AQR: variants seen among roughly 807,000 people sequenced by gnomAD.
AQR encodes the protein RNA helicase aquarius.
A neutral mutation model predicts 180.5 loss-of-function variants in AQR; 61 were observed. The observed-to-expected ratio is 0.34, with a 90% CI of 0.28 to 0.42. The LOEUF is 0.42. Among genes scored for constraint, AQR ranks in the 10% least tolerant of loss-of-function variants. The pLI, the probability that AQR is intolerant of heterozygous loss-of-function variation, is 1.00. For synonymous variants in AQR, 551 were observed against 588.8 expected, an observed-to-expected ratio of 0.94 and a Z score of 0.93; for missense variants, 1,281 against 1,798.3, an observed-to-expected ratio of 0.71 and a Z score of 5.20.
chr15:34,934,468 T>C (rs866390439), intron 10 of AQR, 103 bp downstream of exon 10: 7 of 585,060 alleles, frequency 1.2e-5, no homozygotes, highest in Non-Finnish European at 1.9e-5. Context: ...TACATATGTA[T>C]TGAAAAGAAA....
intron 16 of AQR, among the ~76,000 whole-genome samples, chr15:34,913,581 ATTT>A (rs869124131): frequency 6.6e-6 from 1 of 152,064 alleles, no homozygotes; most frequent in South Asian, 2.1e-4. Flanking sequence ...ATTAAAAAAA[ATTT>A]TTTTTATTAA....
At chr15:34,862,063 C>G (rs745329568) in intron 33 of AQR, among the ~76,000 whole-genome samples, 1 of 151,628 alleles carries the variant, frequency 6.6e-6, no homozygotes, top group East Asian at 1.9e-4. Context: ...TAAGGATAAA[C>G]GTGAAACTAA....
intron 15 of AQR, among the ~76,000 whole-genome samples, chr15:34,917,781 G>A (rs951468297): frequency 1.3e-5 from 2 of 148,712 alleles, no homozygotes; most frequent in Admixed American, 6.7e-5. Flanking sequence ...TCAGGAGTTC[G>A]AGATCAGCCT....
Position 34,857,005 on chromosome 15 carries a change from A to G in AQR, c.4245T>C (p.Ala1415=), listed in dbSNP as rs1358946513. The G allele has an allele frequency of 6.2e-7, 1 of 1,614,174 alleles. No individual in the cohort carries two copies. The highest frequency in any genetic ancestry group is 8.5e-7 in the Non-Finnish European group (1 of 1,180,018). The change falls in exon 35 of 35, where the codon GCT becomes GCC. Residue 1415 remains alanine, a synonymous_variant. Transcript: ENST00000156471. ...TGTCTGTTGGACTGGGTATGATGTC[A>G]GCTTGAACAGTCATGGCCTCTTCTT... ...ETEEEAMTVQ[A]DIIPSPTDTS...
chr15:34,874,586 C>A, intron 29 of AQR, 91 bp downstream of exon 29: 1 of 1,483,802 alleles, frequency 6.7e-7, no homozygotes, highest in Admixed American at 2.1e-5. Flanking sequence ...GCCAAGAATG[C>A]TAATAGTCTA....
Position 34,870,757 on chromosome 15 carries a change from T to C in AQR, c.3763A>G (p.Asn1255Asp), listed in dbSNP as rs760364146. 13 of 1,610,380 alleles carry C rather than the reference T, an allele frequency of 8.1e-6. 1 individual carries two copies. In the East Asian group the frequency reaches 2.9e-4, roughly 36 times the overall value. The change falls in exon 31 of 35, where the codon AAC (asparagine) becomes GAC (aspartate). Residue 1255 changes from asparagine to aspartate, a missense_variant. This residue lies in a region of AQR where 197 missense variants were observed against 320.7 expected (regional missense o/e 0.61). Transcript: ENST00000156471. ...CGNNPLIGRP[N>D]KVTTVDRFQG... ...TATTATAATTATAAAAGTACCTTGT[T>C]TGGTCTTCCAATCAATGGATTGTTT... is the stretch of plus-strand genomic sequence containing the variant.
chr15:34,956,569 T>C (rs578021063), intron 3 of AQR, among the ~76,000 whole-genome samples: 12 of 151,954 alleles, frequency 7.9e-5, no homozygotes, highest in South Asian at 2.1e-4. Context: ...GGAGAATCGC[T>C]GGAACCCAGG....
At chr15:34,858,431 T>C (rs1373132247) in intron 34 of AQR, among the ~76,000 whole-genome samples, 2 of 152,046 alleles carry the variant, frequency 1.3e-5, no homozygotes, top group Non-Finnish European at 2.9e-5. Flanking sequence ...GATGAGAATT[T>C]AAAGAAGATC....
chr15:34,920,234 T>C (rs958169647), intron 14 of AQR, 98 bp downstream of exon 14: 1 of 769,056 alleles, frequency 1.3e-6, no homozygotes, highest in Admixed American at 2.9e-5. Context: ...TGCCTAATCT[T>C]TGGCCCACAA....
chr15:34,920,512 C>T, intron 13 of AQR, 78 bp from the exon 14 acceptor site: 1 of 1,078,578 alleles, frequency 9.3e-7, no homozygotes, highest in Admixed American at 2.5e-5. Flanking sequence ...TTACAAATAG[C>T]TTAAAAAAGC....
chr15:34,916,531 C>T (rs572624445), intron 15 of AQR, among the ~76,000 whole-genome samples: 2 of 151,874 alleles, frequency 1.3e-5, no homozygotes, highest in African/African-American at 4.8e-5. Context: ...TGTAATCTAA[C>T]TCAATTTCTT....
At chr15:34,871,276 G>A (rs998783245) in intron 30 of AQR, among the ~76,000 whole-genome samples, 2 of 152,070 alleles carry the variant, frequency 1.3e-5, no homozygotes, top group African/African-American at 4.8e-5. Flanking sequence ...GGAGGCCAAG[G>A]CAGACAGATC....
chr15:34,919,298 G>A (rs1323791786), intron 14 of AQR, among the ~76,000 whole-genome samples: 2 of 150,698 alleles, frequency 1.3e-5, no homozygotes, highest in African/African-American at 4.9e-5. Flanking sequence ...ATGCTAAAAT[G>A]ACATATTCTT....
intron 26 of AQR, among the ~76,000 whole-genome samples, chr15:34,883,240 C>T (rs765391785): frequency 2.6e-5 from 4 of 152,086 alleles, no homozygotes; most frequent in Non-Finnish European, 5.9e-5. Context: ...ATCGGCTATA[C>T]TAAGCAAGAA....
chr15:34,906,782 T>TAAGA, intron 17 of AQR, 70 bp from the exon 18 acceptor site: 2 of 1,452,404 alleles, frequency 1.4e-6, no homozygotes, highest in Non-Finnish European at 1.9e-6. Flanking sequence ...GGCAAATTCT[T>TAAGA]ATTTGCCTCT....
chr15:34,920,227 C>A, intron 14 of AQR, 105 bp downstream of exon 14: 2 of 706,668 alleles, frequency 2.8e-6, no homozygotes, highest in Admixed American at 3.1e-5. Context: ...AATTATCTGC[C>A]TAATCTTTGG....
At chr15:34,946,373 C>T (rs1469236984) in intron 5 of AQR, among the ~76,000 whole-genome samples, 1 of 151,948 alleles carries the variant, frequency 6.6e-6, no homozygotes, top group Non-Finnish European at 1.5e-5. Flanking sequence ...TAAACTCCCT[C>T]TTGAGGTCGG....
At chr15:34,955,566 G>C (rs1343826471) in intron 3 of AQR, among the ~76,000 whole-genome samples, 2 of 152,130 alleles carry the variant, frequency 1.3e-5, no homozygotes, top group Non-Finnish European at 1.5e-5. Context: ...CCTACTTCCA[G>C]ATCTGTTAAG....
Position 34,927,242 on chromosome 15 carries a change from C to A in AQR, c.1015-104G>T, listed in dbSNP as rs1170809460. On this transcript the variant is annotated intron_variant, in intron 12 of 34. Coordinates refer to ENST00000156471, the MANE Select transcript of AQR (RefSeq NM_014691.3). ...ATTTTATAAAAATATTAACGCATTTCTGTCTCTTATATGCTTCTTTTATGT... is the reference window on the plus strand; with the variant it reads ...ATTTTATAAAAATATTAACGCATTTATGTCTCTTATATGCTTCTTTTATGT... 3 of 627,994 alleles carry A rather than the reference C, an allele frequency of 4.8e-6. No homozygotes were observed. The Admixed American group carries it at 1.2e-4, about 25-fold the overall frequency. The allele number at this position is 627,994 out of a possible 1,614,324, so 38.9% of individuals were successfully genotyped here. A position where few individuals can be genotyped will look rare whatever the true frequency, so the allele number is the denominator to read the frequency against.
Sources: allele counts gnomAD v4.1 joint callset (sites outside exome capture counted in the v4.1 genomes callset), GRCh38; gene constraint gnomAD v4.1.1; regional missense constraint gnomAD v4.1.1; transcripts MANE v1.5; gene names NCBI Gene and HGNC (gene_info 2026-07-23, HGNC 2026-07-21).